KLRD1: variants seen among roughly 807,000 people sequenced by gnomAD.
KLRD1 encodes killer cell lectin like receptor D1.
In KLRD1, 21 loss-of-function variants were observed where a neutral mutation model predicts 22.6. That is an observed-to-expected ratio of 0.93 (90% confidence interval 0.66 to 1.34). KLRD1 has a LOEUF of 1.34. KLRD1 is among the 40% of genes most tolerant of loss of function. The probability of loss-of-function intolerance (pLI) is 0.00; values close to 1 mark genes in which losing one functional copy is unlikely to be tolerated. For missense variants in KLRD1, 183 were observed against 208.6 expected (o/e 0.88, Z 0.76); for synonymous variants, 59 against 71.1 (o/e 0.83, Z 0.85).
intron 1 of KLRD1, among the ~76,000 whole-genome samples, chr12:10,271,994 A>G (rs1208365144): frequency 1.3e-5 from 2 of 152,204 alleles, no homozygotes; most frequent in African/African-American, 2.4e-5. Flanking sequence ...TAACCACTCA[A>G]TATGTGTTTT....
chr12:10,304,347 C>T (rs1949892994), upstream of KLRD1: 2 of 152,186 alleles, frequency 1.3e-5, no homozygotes, highest in Non-Finnish European at 2.9e-5. Context: ...CAGATGGTTA[C>T]ATGGTTATGG....
chr12:10,239,583 CTTTT>C (rs764410569), intron 1 of KLRD1, among the ~76,000 whole-genome samples: 3 of 95,242 alleles, frequency 3.1e-5, no homozygotes, highest in South Asian at 3.3e-4. Context: ...TTCTTTCTTT[CTTTT>C]TCTTTCTTTC....
chr12:10,299,351 C>T (rs1284844637), intron 1 of KLRD1, among the ~76,000 whole-genome samples: 1 of 152,070 alleles, frequency 6.6e-6, no homozygotes, highest in Non-Finnish European at 1.5e-5. Context: ...AAACTAGCTA[C>T]AATATCCTTT....
chr12:10,276,196 TCAGGACTATTATAAATA>T, intron 1 of KLRD1, among the ~76,000 whole-genome samples: 1 of 152,300 alleles, frequency 6.6e-6, no homozygotes, highest in African/African-American at 2.4e-5. Context: ...TGCTTTCTTT[TCAGGACTATTATAAATA>T]ATAGTCCTTG....
At position 10,327,568 on chromosome 12, in the gene KLRD1, C is replaced by G. The variant is rs374570145; in HGVS notation, c.*12775C>G. 2.0e-5 allele frequency: 3 copies of G among 152,150 alleles called. No homozygotes were observed. Among genetic ancestry groups the G allele is most frequent in the African/African-American group, 7.2e-5 (3 of 41,426 alleles). 9.4% of individuals were successfully genotyped at this position (152,150 alleles called of 1,614,324 possible). A position where few individuals can be genotyped will look rare whatever the true frequency, so the allele number is the denominator to read the frequency against. On this transcript the variant is annotated 3_prime_UTR_variant, in exon 6 of 6. Transcript: ENST00000336164. ...GTTGATTTTGTACCCTGCAACTTTA[C>G]TTGGTTTTAGGAGGCTTTTTTGTGG...
intron 1 of KLRD1, among the ~76,000 whole-genome samples, chr12:10,239,177 G>A (rs1460141114): frequency 6.6e-6 from 1 of 152,224 alleles, no homozygotes; most frequent in Non-Finnish European, 1.5e-5. Context: ...GGCTTCTAAT[G>A]GGCTGGTGGC....
chr12:10,308,172 A>G, intron 1 of KLRD1, 88 bp downstream of exon 1: 1 of 1,131,654 alleles, frequency 8.8e-7, no homozygotes, highest in Non-Finnish European at 1.3e-6. Context: ...TTTAAGAGAA[A>G]AGGACATGAT....
intron 4 of KLRD1, among the ~76,000 whole-genome samples, chr12:10,311,949 G>T (rs982779975): frequency 4.0e-5 from 6 of 151,504 alleles, no homozygotes; most frequent in Non-Finnish European, 7.4e-5. Context: ...TCTTTTAATT[G>T]AATTTATAAT....
chr12:10,239,377 G>A (rs1008957493), intron 1 of KLRD1, among the ~76,000 whole-genome samples: 1 of 151,836 alleles, frequency 6.6e-6, no homozygotes, highest in Admixed American at 6.6e-5. Context: ...GCTCTCTGGG[G>A]ATGATACCAA....
chr12:10,273,682 AGAT>A (rs1344173826), intron 1 of KLRD1, among the ~76,000 whole-genome samples: 1 of 152,210 alleles, frequency 6.6e-6, no homozygotes, highest in African/African-American at 2.4e-5. Flanking sequence ...AAGAGTGCAA[AGAT>A]GATGATCAAC....
At chr12:10,277,110 CAG>C (rs1288764259) in intron 1 of KLRD1, among the ~76,000 whole-genome samples, 1 of 141,862 alleles carries the variant, frequency 7.0e-6, no homozygotes, top group Non-Finnish European at 1.5e-5. Context: ...GTTGGCCTCA[CAG>C]AGTTTTTTTT....
At chr12:10,270,821 T>C (rs1225252877) in intron 1 of KLRD1, among the ~76,000 whole-genome samples, 1 of 150,952 alleles carries the variant, frequency 6.6e-6, no homozygotes, top group Non-Finnish European at 1.5e-5. Flanking sequence ...TCTCGCTCTG[T>C]CGCCCAGGCT....
upstream of KLRD1, among the ~76,000 whole-genome samples, chr12:10,306,736 A>G (rs2137684587): frequency 6.6e-6 from 1 of 152,314 alleles, no homozygotes; most frequent in South Asian, 2.1e-4. Flanking sequence ...TATATTCTTC[A>G]GTGAGGATTT....
chr12:10,262,771 A>C (rs1949465388), intron 1 of KLRD1, among the ~76,000 whole-genome samples: 1 of 151,910 alleles, frequency 6.6e-6, no homozygotes, highest in Non-Finnish European at 1.5e-5. Context: ...CAAATAAAAC[A>C]GATATCCAAA....
At chr12:10,284,870 A>C (rs551838624) in intron 1 of KLRD1, among the ~76,000 whole-genome samples, 2 of 152,170 alleles carry the variant, frequency 1.3e-5, no homozygotes, top group East Asian at 3.9e-4. Flanking sequence ...AATCCCAGCT[A>C]CTCAGGAGGC....
intron 1 of KLRD1, among the ~76,000 whole-genome samples, chr12:10,256,557 T>C (rs74062132): frequency 0.015 from 2,315 of 151,698 alleles, 56 homozygotes; most frequent in African/African-American, 0.052. Flanking sequence ...TTTTAATCAA[T>C]ACTAACAACT....
chr12:10,294,359 A>C (rs1371215740), intron 1 of KLRD1, among the ~76,000 whole-genome samples: 1 of 150,990 alleles, frequency 6.6e-6, no homozygotes, highest in Non-Finnish European at 1.5e-5. Context: ...CTAGAAGTTT[A>C]GTACCTCAAA....
Position 10,324,843 on chromosome 12 carries a change from T to TATATATATATATA in KLRD1, c.*10050_*10051insATATATATATATA, listed in dbSNP as rs60673819. On this transcript the variant is annotated 3_prime_UTR_variant, in exon 6 of 6. Transcript: ENST00000336164. ...GTATATATATATATATATATATATATTCATTTACACAGTTGATTCTAAGTG... is the reference window on the plus strand; with the variant it reads ...GTATATATATATATATATATATATATATATATATATATATCATTTACACAGTTGATTCTAAGTG... 2.8e-4 allele frequency: 39 copies of TATATATATATATA among 141,816 alleles called. No homozygotes were observed. The highest frequency in any genetic ancestry group is 4.1e-4 in the East Asian group (2 of 4,866). 8.8% of individuals were successfully genotyped at this position (141,816 alleles called of 1,614,324 possible).
At chr12:10,312,073 G>C (rs1350346345) in intron 4 of KLRD1, among the ~76,000 whole-genome samples, 4 of 118,782 alleles carry the variant, frequency 3.4e-5, no homozygotes, top group Non-Finnish European at 6.9e-5. Flanking sequence ...TTTTTTTTGA[G>C]ACAGAGTTTT....
Sources: allele counts gnomAD v4.1 joint callset (sites outside exome capture counted in the v4.1 genomes callset), GRCh38; gene constraint gnomAD v4.1.1; transcripts MANE v1.5; gene names NCBI Gene and HGNC (gene_info 2026-07-23, HGNC 2026-07-21).